The following HIBCH variants were observed in gnomAD, a reference collection of about 807,000 sequenced individuals.
HIBCH encodes 3-hydroxyisobutyryl-CoA hydrolase, mitochondrial.
Under a neutral mutation model 58.2 loss-of-function variants are expected in HIBCH, and 50 were observed. The ratio of observed to expected loss-of-function variants is 0.86; its 90% CI spans 0.68 to 1.09. The LOEUF (loss-of-function observed/expected upper bound fraction) is 1.09, where lower values mean the gene tolerates loss of function less well. Ranked by LOEUF, HIBCH falls within the 50% of genes least tolerant of loss-of-function variation. The pLI is 0.00. For missense variants in HIBCH, 450 were observed against 449.7 expected (o/e 1.00, Z -0.01); for synonymous variants, 151 against 146.9 (o/e 1.03, Z -0.20).
chr2:190,291,971 G>C (rs1447987866), intron 4 of HIBCH, among the ~76,000 whole-genome samples: 1 of 152,022 alleles, frequency 6.6e-6, no homozygotes, highest in African/African-American at 2.4e-5. Context: ...ACTAACTCTA[G>C]AATTCTCTTG....
chr2:190,312,928 G>A (rs112720766), intron 1 of HIBCH, among the ~76,000 whole-genome samples: 422 of 152,240 alleles, frequency 2.8e-3, no homozygotes, highest in African/African-American at 9.8e-3. Context: ...GCGAAACCCC[G>A]TTTCCACTAA....
At chr2:190,253,483 C>T (rs1686837706) in intron 7 of HIBCH, among the ~76,000 whole-genome samples, 1 of 152,106 alleles carries the variant, frequency 6.6e-6, no homozygotes, top group Non-Finnish European at 1.5e-5. Flanking sequence ...TCATAACCTC[C>T]CCGCGCCAGT....
chr2:190,305,557 A>C (rs147264539), intron 2 of HIBCH, among the ~76,000 whole-genome samples: 30 of 152,218 alleles, frequency 2.0e-4, no homozygotes, highest in Non-Finnish European at 3.8e-4. Flanking sequence ...TTACATATAC[A>C]ACAACCCTGT....
At chr2:190,311,087 T>C (rs1475746026) in intron 1 of HIBCH, 1 of 558,002 alleles carries the variant, frequency 1.8e-6, no homozygotes, top group Non-Finnish European at 3.3e-6. Flanking sequence ...TAAAATATTA[T>C]TCAGCCATGA....
At chr2:190,267,607 C>A (rs1687278873) in intron 6 of HIBCH, among the ~76,000 whole-genome samples, 1 of 151,988 alleles carries the variant, frequency 6.6e-6, no homozygotes. Context: ...CCATATTGTT[C>A]ACTATGGAAC....
chr2:190,278,942 A>ATG (rs1687633421), intron 6 of HIBCH, among the ~76,000 whole-genome samples: 1 of 152,242 alleles, frequency 6.6e-6, no homozygotes, highest in Admixed American at 6.5e-5. Flanking sequence ...ATATTAAGAA[A>ATG]TGCTGGTGTC....
intron 11 of HIBCH, among the ~76,000 whole-genome samples, chr2:190,221,604 T>C (rs1328202390): frequency 6.6e-6 from 1 of 152,142 alleles, no homozygotes; most frequent in Non-Finnish European, 1.5e-5. Flanking sequence ...CCCTCAAGCG[T>C]GAAACCACGG....
At chr2:190,268,777 C>T (rs1320738935) in intron 6 of HIBCH, among the ~76,000 whole-genome samples, 1 of 152,188 alleles carries the variant, frequency 6.6e-6, no homozygotes, top group Non-Finnish European at 1.5e-5. Context: ...GCAGGGCTAA[C>T]CCATAGGCAG....
intron 8 of HIBCH, 112 bp from the exon 9 acceptor site, chr2:190,249,838 G>T (rs1020620830): frequency 1.4e-6 from 1 of 737,634 alleles, no homozygotes; most frequent in Non-Finnish European, 2.4e-6. Context: ...TTATGAAGCT[G>T]TCTCTTCAGG....
intron 4 of HIBCH, among the ~76,000 whole-genome samples, chr2:190,293,244 G>A (rs1157135985): frequency 1.3e-5 from 2 of 151,982 alleles, no homozygotes; most frequent in African/African-American, 2.4e-5. Context: ...CTGAGATCAG[G>A]AGTTCAAGAC....
intron 11 of HIBCH, among the ~76,000 whole-genome samples, chr2:190,242,996 G>C (rs757177580): frequency 4.6e-5 from 7 of 152,192 alleles, no homozygotes; most frequent in Non-Finnish European, 1.0e-4. Context: ...AGACTCAGGA[G>C]ATGTGTATGG....
At chr2:190,297,041 T>C in intron 2 of HIBCH, 88 bp from the exon 3 acceptor site, 1 of 1,232,252 alleles carries the variant, frequency 8.1e-7, no homozygotes, top group Non-Finnish European at 1.2e-6. Flanking sequence ...AATGCAAATC[T>C]TGCATATTAA....
At chr2:190,200,027 C>T (rs6753459), downstream of HIBCH, 420,201 of 1,613,724 alleles carry the variant, frequency 0.26, 58,824 homozygotes, top group East Asian at 0.49. Flanking sequence ...GGGACCAATA[C>T]TGTGATCTTG....
At chr2:190,244,994 A>C in intron 10 of HIBCH, 26 bp from the exon 11 acceptor site, 2 of 1,357,118 alleles carry the variant, frequency 1.5e-6, no homozygotes, top group Non-Finnish European at 2.1e-6. Context: ...ATGTGATTTC[A>C]CCAATGTGTA....
rs1009207759 is a variant in HIBCH at position 190,216,414 on chromosome 2, G to C, written c.892-3339C>G. Among the ~76,000 whole-genome samples the C allele has an allele frequency of 6.6e-6, 1 of 152,242 alleles. No homozygotes were observed. On this transcript the variant is annotated intron_variant, in intron 11 of 13. Coordinates refer to ENST00000359678, the MANE Select transcript of HIBCH (RefSeq NM_014362.4). This position sits in a 1 kb window ranked among gnomAD's most constrained non-coding sequence, Gnocchi z 4.2. ...TTGTTGTTTTACTGAGAGGCTGTAA[G>C]TCCACCACGGGCAGCTGTCAGTAAG...
chr2:190,235,173 C>G (rs554742484), intron 11 of HIBCH, among the ~76,000 whole-genome samples: 1 of 152,152 alleles, frequency 6.6e-6, no homozygotes, highest in African/African-American at 2.4e-5. Context: ...TACAGCCCTT[C>G]GTATTTATTG....
At chr2:190,278,953 T>C (rs1203232550) in intron 6 of HIBCH, among the ~76,000 whole-genome samples, 1 of 152,228 alleles carries the variant, frequency 6.6e-6, no homozygotes, top group African/African-American at 2.4e-5. Context: ...TGCTGGTGTC[T>C]TAAGTTTTCT....
At chr2:190,297,652 T>C (rs2124825127) in intron 2 of HIBCH, among the ~76,000 whole-genome samples, 1 of 152,324 alleles carries the variant, frequency 6.6e-6, no homozygotes, top group Middle Eastern at 3.4e-3. Flanking sequence ...CTTATGTATT[T>C]TGCAGTATTA....
rs1005636905 is a variant in HIBCH, at chr2:190,244,746, G to A, written c.891+141C>T. On this transcript the variant is annotated intron_variant, in intron 11 of 13. Coordinates refer to ENST00000359678, the MANE Select transcript of HIBCH (RefSeq NM_014362.4). ...AGGGTTAGTGGAACTGATTTCTGAAGCTCACCTAAATTTGGGAAAAAAGAA... is the reference window on the plus strand; with the variant it reads ...AGGGTTAGTGGAACTGATTTCTGAAACTCACCTAAATTTGGGAAAAAAGAA... The A allele has an allele frequency of 1.3e-5, 10 of 747,300 alleles. No individual in the cohort carries two copies. In the Admixed American group the frequency reaches 1.7e-4, roughly 12 times the overall value. The allele number at this position is 747,300 out of a possible 1,614,324, so 46.3% of individuals were successfully genotyped here.
Sources: allele counts gnomAD v4.1 joint callset (sites outside exome capture counted in the v4.1 genomes callset), GRCh38; gene constraint gnomAD v4.1.1; non-coding constraint Gnocchi (gnomAD v3.1); transcripts MANE v1.5; gene names NCBI Gene and HGNC (gene_info 2026-07-23, HGNC 2026-07-21).